Variants in WDR70 observed in about 807,000 individuals in gnomAD.
WDR70 encodes the protein WD repeat-containing protein 70.
Under a neutral mutation model 88.6 loss-of-function variants are expected in WDR70, and 53 were observed. The ratio of observed to expected loss-of-function variants is 0.60; its 90% CI spans 0.48 to 0.75. The LOEUF (loss-of-function observed/expected upper bound fraction) is 0.75, where lower values mean the gene tolerates loss of function less well. Ranked by LOEUF, WDR70 falls within the 30% of genes least tolerant of loss-of-function variation. The pLI is 0.00. For synonymous variants in WDR70, 280 were observed against 270.0 expected (o/e 1.04, Z -0.36); for missense variants, 610 against 823.2 (o/e 0.74, Z 3.17).
At chr5:37,415,336 C>T (rs1431549434) in intron 5 of WDR70, among the ~76,000 whole-genome samples, 1 of 148,618 alleles carries the variant, frequency 6.7e-6, no homozygotes. Context: ...CAGAGGGGCT[C>T]CTCACTTCCC....
At chr5:37,740,052 A>G (rs1748428816) in intron 17 of WDR70, among the ~76,000 whole-genome samples, 1 of 152,150 alleles carries the variant, frequency 6.6e-6, no homozygotes, top group Non-Finnish European at 1.5e-5. Flanking sequence ...ATCCATTAAC[A>G]TTTTATCTCT....
intron 4 of WDR70, among the ~76,000 whole-genome samples, chr5:37,394,740 C>A (rs930271034): frequency 6.6e-6 from 1 of 151,980 alleles, no homozygotes. Flanking sequence ...GTAAGTCAGC[C>A]GACAGAACTA....
At chr5:37,523,836 C>G (rs1309101630) in intron 9 of WDR70, among the ~76,000 whole-genome samples, 1 of 152,148 alleles carries the variant, frequency 6.6e-6, no homozygotes, top group East Asian at 1.9e-4. Context: ...GACGCATGCA[C>G]AAGCTTCAAT....
At chr5:37,424,405 C>A (rs756940646) in intron 5 of WDR70, among the ~76,000 whole-genome samples, 2 of 113,228 alleles carry the variant, frequency 1.8e-5, no homozygotes, top group African/African-American at 5.4e-5. Context: ...TAATTTTTTT[C>A]CATTTTTTTT....
chr5:37,439,191 T>C (rs1386629247), intron 6 of WDR70, among the ~76,000 whole-genome samples: 1 of 152,142 alleles, frequency 6.6e-6, no homozygotes, highest in Non-Finnish European at 1.5e-5. Flanking sequence ...GTGCTGGGAT[T>C]ACAGGTGTGA....
At chr5:37,569,939 A>G (rs577447211) in intron 9 of WDR70, among the ~76,000 whole-genome samples, 13 of 152,300 alleles carry the variant, frequency 8.5e-5, no homozygotes, top group African/African-American at 3.1e-4. Flanking sequence ...CTGTGTAATT[A>G]TGGCTGGAAA....
chr5:37,604,997 C>G, intron 9 of WDR70, 67 bp from the exon 10 acceptor site: 2 of 1,412,372 alleles, frequency 1.4e-6, no homozygotes, highest in Non-Finnish European at 9.3e-7. Context: ...GGACTCTTCC[C>G]TATTTTAACC....
chr5:37,706,446 G>A (rs1379084102), intron 13 of WDR70, among the ~76,000 whole-genome samples: 1 of 152,148 alleles, frequency 6.6e-6, no homozygotes, highest in Non-Finnish European at 1.5e-5. Context: ...CTGGTGGGAT[G>A]TATTTGAATC....
intron 3 of WDR70, among the ~76,000 whole-genome samples, chr5:37,382,453 C>T (rs561158859): frequency 6.6e-6 from 1 of 151,748 alleles, no homozygotes; most frequent in Non-Finnish European, 1.5e-5. Flanking sequence ...CGCTTTATTG[C>T]TGGGCTGGAG....
chr5:37,619,839 A>G (rs1744455701), intron 10 of WDR70: 1 of 150,362 alleles, frequency 6.7e-6, no homozygotes, highest in African/African-American at 2.4e-5. Context: ...TTATTATAAT[A>G]TGTTAGATCC....
chr5:37,522,251 T>C (rs2112277278), intron 9 of WDR70, among the ~76,000 whole-genome samples: 1 of 151,898 alleles, frequency 6.6e-6, no homozygotes, highest in African/African-American at 2.4e-5. Flanking sequence ...GGCGGGCGGA[T>C]CATGAGGTCA....
At chr5:37,419,098 T>A (rs907255910) in intron 5 of WDR70, among the ~76,000 whole-genome samples, 4 of 152,094 alleles carry the variant, frequency 2.6e-5, no homozygotes, top group African/African-American at 4.8e-5. Flanking sequence ...ATGCTCATTT[T>A]AAAAAATCTT....
chr5:37,628,432 C>A (rs1238267749), intron 10 of WDR70, among the ~76,000 whole-genome samples: 1 of 152,234 alleles, frequency 6.6e-6, no homozygotes, highest in East Asian at 1.9e-4. Context: ...TTGTTATATT[C>A]TCTTGCTGAA....
intron 7 of WDR70, among the ~76,000 whole-genome samples, chr5:37,476,244 A>C (rs941626624): frequency 6.6e-6 from 1 of 152,164 alleles, no homozygotes; most frequent in African/African-American, 2.4e-5. Flanking sequence ...AAAGATTACA[A>C]CTTAACAAAG....
chr5:37,519,890 C>T (rs1283851690), intron 9 of WDR70, among the ~76,000 whole-genome samples: 1 of 152,204 alleles, frequency 6.6e-6, no homozygotes, highest in Non-Finnish European at 1.5e-5. Flanking sequence ...TACATTTTCA[C>T]CAACAGCATA....
At chr5:37,751,395 G>A (rs1481815481) in intron 17 of WDR70, among the ~76,000 whole-genome samples, 2 of 152,220 alleles carry the variant, frequency 1.3e-5, no homozygotes, top group Non-Finnish European at 2.9e-5. Context: ...CTAGGTAGGT[G>A]TGTGAGGTAA....
At chr5:37,452,596 C>A (rs757588063) in intron 7 of WDR70, among the ~76,000 whole-genome samples, 1 of 152,168 alleles carries the variant, frequency 6.6e-6, no homozygotes, top group South Asian at 2.1e-4. Flanking sequence ...TTTTAAATTA[C>A]GTTTTTCACC....
chr5:37,481,010 G>A (rs901835765), intron 8 of WDR70, among the ~76,000 whole-genome samples: 9 of 152,202 alleles, frequency 5.9e-5, no homozygotes, highest in Non-Finnish European at 1.0e-4. Flanking sequence ...AACCCAGCAG[G>A]CAAATCTTAA....
chr5:37,517,923 TA>T (rs1740942785), intron 9 of WDR70, among the ~76,000 whole-genome samples: 1 of 149,108 alleles, frequency 6.7e-6, no homozygotes, highest in African/African-American at 2.4e-5. Context: ...TTATATTATT[TA>T]TTTTTTTGAG....
Sources: gnomAD v4.1 joint callset for allele counts (sites outside exome capture counted in the v4.1 genomes callset) on GRCh38, gnomAD v4.1.1 for gene constraint, MANE v1.5 for transcripts, NCBI Gene and HGNC (gene_info 2026-07-23, HGNC 2026-07-21) for gene names.